Variants in ADAMTS19 observed in about 807,000 individuals in gnomAD.
ADAMTS19 encodes A disintegrin and metalloproteinase with thrombospondin motifs 19.
In ADAMTS19, 93 loss-of-function variants were observed where a neutral mutation model predicts 153.3. The ratio of observed to expected loss-of-function variants is 0.61; its 90% confidence interval spans 0.51 to 0.72. ADAMTS19 has a LOEUF of 0.72. ADAMTS19 is among the 30% of genes least tolerant of loss of function. The pLI, the probability that ADAMTS19 is intolerant of heterozygous loss-of-function variation, is 0.00. For missense variants in ADAMTS19, 1,482 were observed against 1,552.1 expected, an observed-to-expected ratio of 0.95 and a Z score of 0.76; for synonymous variants, 600 against 556.6, an observed-to-expected ratio of 1.08 and a Z score of -1.10.
intron 14 of ADAMTS19, among the ~76,000 whole-genome samples, chr5:129,657,588 G>A (rs80109055): frequency 4.9e-4 from 75 of 152,232 alleles, no homozygotes; most frequent in African/African-American, 1.8e-3. Flanking sequence ...TCCTATGAAC[G>A]AAATTCTTCT....
chr5:129,725,628 T>G (rs1419829084), intron 21 of ADAMTS19, among the ~76,000 whole-genome samples: 1 of 152,064 alleles, frequency 6.6e-6, no homozygotes, highest in African/African-American at 2.4e-5. Context: ...TTGCAACTAA[T>G]TATTATTTTA....
At chr5:129,506,560 T>A (rs1751276115) in intron 2 of ADAMTS19, among the ~76,000 whole-genome samples, 1 of 152,026 alleles carries the variant, frequency 6.6e-6, no homozygotes, top group Non-Finnish European at 1.5e-5. Flanking sequence ...ACAAAAAGTG[T>A]CTGTAGATAA....
chr5:129,702,941 A>AAAAAAAATATATATATATAT, intron 20 of ADAMTS19, among the ~76,000 whole-genome samples: 3 of 29,308 alleles, frequency 1.0e-4, no homozygotes, highest in African/African-American at 1.7e-4. Flanking sequence ...AAAAAAAAAA[A>AAAAAAAATATATATATATAT]ATATATATAT....
chr5:129,542,735 A>T, intron 6 of ADAMTS19, among the ~76,000 whole-genome samples: 1 of 152,208 alleles, frequency 6.6e-6, no homozygotes, highest in Non-Finnish European at 1.5e-5. Context: ...AAAGATATAT[A>T]TATTTACAGT....
intron 7 of ADAMTS19, among the ~76,000 whole-genome samples, chr5:129,560,040 T>C (rs1753443085): frequency 6.6e-6 from 1 of 152,212 alleles, no homozygotes; most frequent in South Asian, 2.1e-4. Context: ...TTTTATTTGG[T>C]ATGAAAATGT....
intron 2 of ADAMTS19, among the ~76,000 whole-genome samples, chr5:129,485,972 G>GT (rs1422417052): frequency 6.6e-6 from 1 of 152,006 alleles, no homozygotes; most frequent in East Asian, 1.9e-4. Flanking sequence ...TGTATTTTTA[G>GT]TAGGGACAGG....
At chr5:129,625,186 A>G (rs1306139158) in intron 10 of ADAMTS19, among the ~76,000 whole-genome samples, 2 of 152,184 alleles carry the variant, frequency 1.3e-5, no homozygotes, top group African/African-American at 2.4e-5. Context: ...TTATGACTGC[A>G]TAGTATTCCA....
At chr5:129,477,957 C>A (rs1750279326) in intron 2 of ADAMTS19, among the ~76,000 whole-genome samples, 1 of 151,974 alleles carries the variant, frequency 6.6e-6, no homozygotes, top group Non-Finnish European at 1.5e-5. Context: ...TCTCAGTATT[C>A]TTAAATTGAT....
intron 6 of ADAMTS19, among the ~76,000 whole-genome samples, chr5:129,537,833 G>C (rs988989412): frequency 6.6e-6 from 1 of 151,942 alleles, no homozygotes; most frequent in Non-Finnish European, 1.5e-5. Context: ...GCCAAATGAC[G>C]AGTTAATGGG....
At position 129,702,976 on chromosome 5, in the gene ADAMTS19, A is replaced by G. The variant is rs113586439; in HGVS notation, c.3160-1263A>G. On this transcript the variant is annotated intron_variant, in intron 20 of 22. Transcript: ENST00000274487. ...TATATATATATATATATATATACAA[A>G]TACATATATATATGTATTAAAGGGC... 6.7e-5 allele frequency among the ~76,000 whole-genome samples: 9 copies of G among 135,072 alleles called. 2 individuals carry two copies. The highest frequency in any genetic ancestry group is 2.5e-4 in the African/African-American group (8 of 31,530). The allele number at this position is 135,072 out of a possible 152,430, so 88.6% of individuals were successfully genotyped here.
At chr5:129,600,689 T>A (rs190768102) in intron 8 of ADAMTS19, among the ~76,000 whole-genome samples, 1 of 152,190 alleles carries the variant, frequency 6.6e-6, no homozygotes, top group African/African-American at 2.4e-5. Context: ...TCTAAAACAA[T>A]GTCAGCAAAA....
chr5:129,513,157 T>C (rs963063452), intron 3 of ADAMTS19, among the ~76,000 whole-genome samples: 2 of 151,662 alleles, frequency 1.3e-5, no homozygotes, highest in African/African-American at 4.8e-5. Flanking sequence ...ATCTAGTCAC[T>C]TGAAAATTAA....
At chr5:129,529,157 T>A (rs1364529734) in intron 6 of ADAMTS19, among the ~76,000 whole-genome samples, 3 of 152,108 alleles carry the variant, frequency 2.0e-5, no homozygotes, top group Non-Finnish European at 4.4e-5. Context: ...ATATTTTTAA[T>A]ATAGCATTAA....
chr5:129,562,433 T>G (rs1036910933), intron 7 of ADAMTS19, among the ~76,000 whole-genome samples: 11 of 152,246 alleles, frequency 7.2e-5, no homozygotes, highest in Middle Eastern at 3.4e-3. Flanking sequence ...GACTAGGCAA[T>G]TTTACCTACC....
chr5:129,494,634 A>G (rs1750868256), intron 2 of ADAMTS19, among the ~76,000 whole-genome samples: 1 of 152,168 alleles, frequency 6.6e-6, no homozygotes, highest in African/African-American at 2.4e-5. Context: ...TATGAAATCT[A>G]ATAGACACAC....
Position 129,594,013 on chromosome 5 carries a change from T to C in ADAMTS19, c.1373-2546T>C, listed in dbSNP as rs557744750. ...GACATGCATTGATATCAGAAAGTTA[T>C]TTCCCTAAGTTAGTAAGGTATTCTA... On this transcript the variant is annotated intron_variant, in intron 7 of 22. Coordinates refer to ENST00000274487, the MANE Select transcript of ADAMTS19 (RefSeq NM_133638.6). Among the ~76,000 whole-genome samples the C allele has an allele frequency of 2.1e-4, 32 of 152,294 alleles. No individual in the cohort carries two copies. The East Asian group carries it at 4.4e-3, about 21-fold the overall frequency.
chr5:129,654,177 A>T lies in ADAMTS19; in HGVS notation c.2177-129A>T, dbSNP rs1030802413. 3.1e-5 allele frequency: 27 copies of T among 871,164 alleles called. No homozygotes were observed. In the East Asian group the frequency reaches 7.3e-4, roughly 23 times the overall value. 54.0% of individuals were successfully genotyped at this position (871,164 alleles called of 1,614,324 possible). On this transcript the variant is annotated intron_variant, in intron 13 of 22. Coordinates refer to ENST00000274487, the MANE Select transcript of ADAMTS19 (RefSeq NM_133638.6). Reference sequence around the variant, plus strand: ...GAAATCTTCTAATGTTATCTACTCTAACATTACATTACTTAATTAGCATTG... The same window carrying T: ...GAAATCTTCTAATGTTATCTACTCTTACATTACATTACTTAATTAGCATTG...
intron 10 of ADAMTS19, among the ~76,000 whole-genome samples, chr5:129,631,961 A>G (rs1270358679): frequency 6.6e-6 from 1 of 152,054 alleles, no homozygotes; most frequent in Non-Finnish European, 1.5e-5. Context: ...TTAGGATCCT[A>G]CTTTATCTAT....
rs377061835 is a variant in ADAMTS19, at chr5:129,477,222, C to T, written c.747+15465C>T. 1.6e-4 allele frequency among the ~76,000 whole-genome samples: 24 copies of T among 152,148 alleles called. 2 individuals carry two copies. The East Asian group carries it at 2.3e-3, about 15-fold the overall frequency. ...GGAATTCTATCAGGAGAGATGTTTTCGAATGGTCAGAGGGAAACAGCCAAG... is the reference window on the plus strand; with the variant it reads ...GGAATTCTATCAGGAGAGATGTTTTTGAATGGTCAGAGGGAAACAGCCAAG... On this transcript the variant is annotated intron_variant, in intron 2 of 22. Transcript: ENST00000274487.
Sources: gnomAD v4.1 joint callset for allele counts (sites outside exome capture counted in the v4.1 genomes callset) on GRCh38, gnomAD v4.1.1 for gene constraint, MANE v1.5 for transcripts, NCBI Gene and HGNC (gene_info 2026-07-23, HGNC 2026-07-21) for gene names.